The following MYH7B variants were observed in gnomAD, a reference collection of about 807,000 sequenced individuals.
MYH7B encodes the protein myosin heavy chain 7B.
MYH7B carries 205 observed loss-of-function variants against 234.5 expected under a neutral mutation model. The ratio of observed to expected loss-of-function variants is 0.87; its 90% CI spans 0.78 to 0.98. MYH7B has a LOEUF of 0.98. Ranked by LOEUF, MYH7B falls within the 50% of genes least tolerant of loss-of-function variation. The pLI, the probability that MYH7B is intolerant of heterozygous loss-of-function variation, is 0.00. For synonymous variants in MYH7B, 1,193 were observed against 1,105.0 expected, an observed-to-expected ratio of 1.08 and a Z score of -1.58; for missense variants, 2,652 against 2,633.4, an observed-to-expected ratio of 1.01 and a Z score of -0.15.
chr20:34,973,530 C>T (rs1474512915), intron 2 of MYH7B, among the ~76,000 whole-genome samples: 1 of 152,220 alleles, frequency 6.6e-6, no homozygotes, highest in Non-Finnish European at 1.5e-5. Context: ...CAAAGGTCAT[C>T]CAGTTCAGAG....
chr20:34,980,849 A>T, intron 8 of MYH7B, 115 bp downstream of exon 8: 2 of 1,508,538 alleles, frequency 1.3e-6, no homozygotes, highest in Non-Finnish European at 1.8e-6. Context: ...GCTGCTGGAC[A>T]TGGTCGCCCA....
At chr20:34,978,194 G>T in intron 5 of MYH7B, 98 bp downstream of exon 5, 1 of 1,423,388 alleles carries the variant, frequency 7.0e-7, no homozygotes, top group South Asian at 1.3e-5. Flanking sequence ...AGGGCTGAAG[G>T]GGCATTGGGG....
At chr20:34,965,553 C>G (rs2081734514) in intron 2 of MYH7B, among the ~76,000 whole-genome samples, 1 of 152,222 alleles carries the variant, frequency 6.6e-6, no homozygotes, top group Non-Finnish European at 1.5e-5. Flanking sequence ...TCTGTCTGCT[C>G]CTGGGTCTCA....
At chr20:34,958,810 T>C (rs573071513) in intron 2 of MYH7B, among the ~76,000 whole-genome samples, 1 of 152,356 alleles carries the variant, frequency 6.6e-6, no homozygotes, top group South Asian at 2.1e-4. Flanking sequence ...TTGTTGCTTT[T>C]ATTTGTTTGC....
intron 1 of MYH7B, among the ~76,000 whole-genome samples, chr20:34,956,704 T>C (rs1600398489): frequency 6.6e-6 from 1 of 151,626 alleles, no homozygotes; most frequent in African/African-American, 2.4e-5. Context: ...GTGAAGGAGG[T>C]AGGGGTAGAG....
chr20:34,986,444 G>C (rs545250304), intron 14 of MYH7B, among the ~76,000 whole-genome samples: 11 of 152,220 alleles, frequency 7.2e-5, no homozygotes, highest in Non-Finnish European at 1.5e-4. Context: ...TTGCTGTCCT[G>C]AGACTAGAGA....
At chr20:34,996,277 T>C (rs2082254493) in intron 28 of MYH7B, 69 bp from the exon 29 acceptor site, 5 of 1,512,268 alleles carry the variant, frequency 3.3e-6, no homozygotes, top group Non-Finnish European at 4.4e-6. Context: ...TGCTCTGACC[T>C]GGTGTGGTGT....
chr20:34,999,659 GAA>G lies in MYH7B; in HGVS notation c.4630_4631del (p.Lys1544GlufsTer2). 1.2e-6 allele frequency: 2 copies of G among 1,613,758 alleles called. No homozygotes were observed. Among genetic ancestry groups the G allele is most frequent in the Non-Finnish European group, 8.5e-7 (1 of 1,179,886 alleles). ...AAACCAAGAAGGCGCTGGAAGGCGA[GAA>G]GAGTGAGATCCAGGCTGCACTGGAG... On this transcript the variant is annotated frameshift_variant, in exon 37 of 45. Coordinates refer to ENST00000262873, the Ensembl canonical transcript of MYH7B. LOFTEE classifies it high-confidence loss of function.
rs1196646557 is a variant in MYH7B at position 34,956,827 on chromosome 20, G to A, written c.-337+820G>A. On this transcript the variant is annotated intron_variant, in intron 1 of 44. Coordinates refer to ENST00000262873, the Ensembl canonical transcript of MYH7B. ...CCCAGCACTTTGAGAGGCCGAGGCA[G>A]GTGGATTACTTGAGCTCAGGAGTTG... Among the ~76,000 whole-genome samples, 3 of 152,156 alleles carry A rather than the reference G, an allele frequency of 2.0e-5. No homozygotes were observed. In the East Asian group the frequency reaches 5.8e-4, roughly 29 times the overall value.
chr20:34,975,860 C>T (rs1052641230), intron 3 of MYH7B, among the ~76,000 whole-genome samples: 7 of 152,128 alleles, frequency 4.6e-5, no homozygotes, highest in Non-Finnish European at 8.8e-5. Flanking sequence ...GGACTACAGG[C>T]GCCCGCCACC....
At chr20:34,988,864 C>A (rs993733490) in intron 19 of MYH7B, among the ~76,000 whole-genome samples, 36 of 132,954 alleles carry the variant, frequency 2.7e-4, no homozygotes, top group Non-Finnish European at 4.6e-4. Context: ...GGCTGGAGTA[C>A]AATGGCACCA....
chr20:34,980,265 G>A lies in MYH7B; in HGVS notation c.343-313G>A, dbSNP rs116405472. On this transcript the variant is annotated intron_variant, in intron 7 of 44. Coordinates refer to ENST00000262873, the Ensembl canonical transcript of MYH7B. ...TATCCCTCCCAAAACCCTACCTATG[G>A]GGGGAGAATGTGGTGGCCCATGCCT... 7.1e-3 allele frequency: 2,440 copies of A among 344,702 alleles called. 42 individuals are homozygous for A. The highest frequency in any genetic ancestry group is 0.046 in the African/African-American group (2,251 of 48,452). The allele number at this position is 344,702 out of a possible 1,614,324, so 21.4% of individuals were successfully genotyped here.
intron 2 of MYH7B, among the ~76,000 whole-genome samples, chr20:34,968,557 G>A (rs763269423): frequency 6.9e-4 from 105 of 152,300 alleles, no homozygotes; most frequent in Non-Finnish European, 1.4e-3. Context: ...CTCGTGGTCT[G>A]TACACCCCTT....
At chr20:34,974,727 A>G (rs2081830126) in intron 2 of MYH7B, among the ~76,000 whole-genome samples, 1 of 152,222 alleles carries the variant, frequency 6.6e-6, no homozygotes, top group African/African-American at 2.4e-5. Flanking sequence ...TGGGCTTTCT[A>G]TAAATTGCTC....
chr20:34,966,603 A>G (rs374378632), intron 2 of MYH7B, among the ~76,000 whole-genome samples: 4 of 152,182 alleles, frequency 2.6e-5, no homozygotes, highest in African/African-American at 7.2e-5. Flanking sequence ...AACTTAATAC[A>G]TGCAGATGTG....
chr20:34,993,253 C>T, intron 25 of MYH7B, 28 bp downstream of exon 25: 1 of 1,614,022 alleles, frequency 6.2e-7, no homozygotes, highest in Non-Finnish European at 8.5e-7. Flanking sequence ...TCAGGGCTGG[C>T]CATGGCTGTG....
At chr20:34,989,432 A>G (rs2082097645) in intron 19 of MYH7B, among the ~76,000 whole-genome samples, 1 of 152,190 alleles carries the variant, frequency 6.6e-6, no homozygotes, top group Non-Finnish European at 1.5e-5. Context: ...TTTGTGTGTG[A>G]CAGCCATGGC....
rs1032052268 is a variant in MYH7B, at chr20:34,987,745, C to T, written c.1267-20C>T. The T allele has an allele frequency of 3.7e-6, 6 of 1,614,034 alleles. No homozygotes were observed. In the Admixed American group the frequency reaches 6.7e-5, roughly 18 times the overall value. ...GTCCCCTCCTTGCCAGGTCCCAGCCCAGCCTCCCTGCACCTCCAGGTGGTG... is the reference window on the plus strand; with the variant it reads ...GTCCCCTCCTTGCCAGGTCCCAGCCTAGCCTCCCTGCACCTCCAGGTGGTG... On this transcript the variant is annotated intron_variant, in intron 17 of 44. Coordinates refer to ENST00000262873, the Ensembl canonical transcript of MYH7B.
chr20:34,988,243 G>C, exon 19 of MYH7B: 1 of 1,613,460 alleles, frequency 6.2e-7, no homozygotes, highest in Non-Finnish European at 8.5e-7. Context: ...CTGCAGCCTT[G>C]CATCGACCTC....
Sources: allele counts gnomAD v4.1 joint callset (sites outside exome capture counted in the v4.1 genomes callset), GRCh38; gene constraint gnomAD v4.1.1; transcripts MANE v1.5; gene names NCBI Gene and HGNC (gene_info 2026-07-23, HGNC 2026-07-21).